Variants in ICAM1 observed in about 807,000 individuals in gnomAD.
ICAM1 encodes the protein ICAM-1.
A neutral mutation model predicts 42.3 loss-of-function variants in ICAM1; 28 were observed. That is an observed-to-expected ratio of 0.66 (90% confidence interval 0.49 to 0.91). The LOEUF (loss-of-function observed/expected upper bound fraction) is 0.91. Among genes scored for constraint, ICAM1 ranks in the 40% least tolerant of loss-of-function variants. The pLI is 0.00. For missense variants in ICAM1, 637 were observed against 688.6 expected, an observed-to-expected ratio of 0.93 and a Z score of 0.84; for synonymous variants, 304 against 305.9, an observed-to-expected ratio of 0.99 and a Z score of 0.07.
At chr19:10,275,150 G>GA in intron 2 of ICAM1, 122 bp downstream of exon 2, 1 of 981,016 alleles carries the variant, frequency 1.0e-6, no homozygotes, top group African/African-American at 1.6e-5. Context: ...GGGGCTCCTT[G>GA]CAGGGCAGGT....
intron 2 of ICAM1, among the ~76,000 whole-genome samples, chr19:10,277,243 C>T (rs2040024371): frequency 1.3e-5 from 2 of 151,756 alleles, no homozygotes; most frequent in South Asian, 2.1e-4. Context: ...TGCAATGGCA[C>T]GATCTCAGCT....
intron 1 of ICAM1, 110 bp from the exon 2 acceptor site, chr19:10,274,655 A>G: frequency 8.0e-7 from 1 of 1,246,946 alleles, no homozygotes; most frequent in Non-Finnish European, 1.1e-6. Flanking sequence ...TCGAAGGCAA[A>G]GTATTGTCTT....
chr19:10,276,358 A>G (rs1453802210), intron 2 of ICAM1, among the ~76,000 whole-genome samples: 7 of 150,298 alleles, frequency 4.7e-5, no homozygotes, highest in Non-Finnish European at 1.0e-4. Context: ...ATCCTGGCTA[A>G]CATGGTGAAA....
intron 2 of ICAM1, 48 bp from the exon 3 acceptor site, chr19:10,283,433 G>C: frequency 6.6e-7 from 1 of 1,504,838 alleles, no homozygotes; most frequent in Non-Finnish European, 8.9e-7. Flanking sequence ...TGTTAGGCAG[G>C]CAGCAAGGTC....
In ICAM1 at chr19:10,271,165, T is replaced by C; in HGVS notation, c.6T>C (p.Ala2=). 6.2e-7 allele frequency: 1 copy of C among 1,612,854 alleles called. No individual in the cohort carries two copies. The highest frequency in any genetic ancestry group is 8.5e-7 in the Non-Finnish European group (1 of 1,179,724). Residue 2 remains alanine, a synonymous_variant, in exon 1 of 7, where the codon GCT becomes GCC. Coordinates refer to ENST00000264832, the MANE Select transcript of ICAM1 (RefSeq NM_000201.3). Reference sequence around the variant, plus strand: ...GTTGCAACCTCAGCCTCGCTATGGCTCCCAGCAGCCCCCGGCCCGCGCTGC... The same window carrying C: ...GTTGCAACCTCAGCCTCGCTATGGCCCCCAGCAGCCCCCGGCCCGCGCTGC... The part of the protein sequence containing the change: M[A]PSSPRPALPA...
chr19:10,285,054 G>T, intron 6 of ICAM1, 26 bp downstream of exon 6: 1 of 1,613,262 alleles, frequency 6.2e-7, no homozygotes, highest in Non-Finnish European at 8.5e-7. Flanking sequence ...GGCAGAGCTG[G>T]GTGGGGGCAG....
At chr19:10,274,742 G>A (rs770491921) in intron 1 of ICAM1, 23 bp from the exon 2 acceptor site, 10 of 1,605,804 alleles carry the variant, frequency 6.2e-6, no homozygotes, top group Middle Eastern at 1.7e-4. Flanking sequence ...AATGCCTGTC[G>A]CCTCTTCCCT....
At chr19:10,282,578 G>T (rs1191462001) in intron 2 of ICAM1, among the ~76,000 whole-genome samples, 1 of 151,696 alleles carries the variant, frequency 6.6e-6, no homozygotes, top group Admixed American at 6.6e-5. Flanking sequence ...AGAGATGGGG[G>T]TCTCCCTATG....
In ICAM1 at chr19:10,286,602, C is replaced by T. The variant is rs2040110417; in HGVS notation, c.*1315C>T. ...ACTTCCTTTGTGTTAGTTAATAAAG[C>T]TTTCTCAACTGCCTCAGCCTTGTGT... is the stretch of plus-strand genomic sequence containing the variant. On this transcript the variant is annotated 3_prime_UTR_variant, in exon 7 of 7. Transcript: ENST00000264832. 1 of 197,094 alleles carries T rather than the reference C, an allele frequency of 5.1e-6. No individual in the cohort carries two copies. Among genetic ancestry groups the T allele is most frequent in the Admixed American group, 6.1e-5 (1 of 16,440 alleles). The allele number at this position is 197,094 out of a possible 1,614,324, so 12.2% of individuals were successfully genotyped here.
chr19:10,283,661 C>A lies in ICAM1; in HGVS notation c.512C>A (p.Thr171Asn). Residue 171 changes from threonine (T) to asparagine (N), a missense_variant, in exon 3 of 7, where the codon ACC (threonine) becomes AAC (asparagine). Thr to Asn is a moderately conservative substitution (Grantham distance 65). Transcript: ENST00000264832. ...PAVGEPAEVT[T>N]TVLVRRDHHG... is the part of the protein sequence containing the mutation. The stretch of plus-strand genomic sequence containing the variant: ...GTGGGGGAGCCCGCTGAGGTCACGA[C>A]CACGGTGCTGGTGAGGAGAGATCAC... The A allele has an allele frequency of 6.2e-7, 1 of 1,613,960 alleles. No individual in the cohort carries two copies.
At chr19:10,277,125 A>G (rs1381173364) in intron 2 of ICAM1, among the ~76,000 whole-genome samples, 3 of 152,126 alleles carry the variant, frequency 2.0e-5, no homozygotes, top group African/African-American at 4.8e-5. Context: ...TTAGCTGGCT[A>G]TGAGAAGAGA....
chr19:10,280,900 G>A (rs1409172068), intron 2 of ICAM1, among the ~76,000 whole-genome samples: 7 of 108,000 alleles, frequency 6.5e-5, no homozygotes, highest in Non-Finnish European at 8.7e-5. Flanking sequence ...TTGAGACAGA[G>A]TCTCACTCTG....
chr19:10,279,716 G>A (rs988014524), intron 2 of ICAM1, among the ~76,000 whole-genome samples: 4 of 151,866 alleles, frequency 2.6e-5, no homozygotes, highest in African/African-American at 9.7e-5. Flanking sequence ...ACGCCTGACC[G>A]CAAGAGATCC....
rs2145017431 is a variant in ICAM1 at position 10,285,748 on chromosome 19, G to A, written c.*461G>A. ...CACACTTCCTGACGGATGCCAGCTTGGGCACTGCTGTCTACTGACCCCAAC... is the reference window on the plus strand; with the variant it reads ...CACACTTCCTGACGGATGCCAGCTTAGGCACTGCTGTCTACTGACCCCAAC... On this transcript the variant is annotated 3_prime_UTR_variant, in exon 7 of 7. Transcript: ENST00000264832. 1 of 167,856 alleles carries A rather than the reference G, an allele frequency of 6.0e-6. No individual in the cohort carries two copies. The highest frequency in any genetic ancestry group is 1.7e-4 in the East Asian group (1 of 5,862). The allele number at this position is 167,856 out of a possible 1,614,324, so 10.4% of individuals were successfully genotyped here. A position where few individuals can be genotyped will look rare whatever the true frequency, so the allele number is the denominator to read the frequency against.
Position 10,284,255 on chromosome 19 carries a change from G to T in ICAM1, c.860G>T (p.Arg287Leu). Residue 287 changes from arginine to leucine, a missense_variant, in exon 4 of 7, where the codon CGG (arginine) becomes CTG (leucine). Coordinates refer to ENST00000264832, the MANE Select transcript of ICAM1 (RefSeq NM_000201.3). The surrounding 1 kb of genome is among the most constrained non-coding windows in gnomAD (Gnocchi z 5.4). ...SVTAEDEGTQ[R>L]LTCAVILGNQ... is the part of the protein sequence containing the mutation. ...ACCGCAGAGGACGAGGGCACCCAGCGGCTGACGTGTGCAGTAATACTGGGG... is the reference window on the plus strand; with the variant it reads ...ACCGCAGAGGACGAGGGCACCCAGCTGCTGACGTGTGCAGTAATACTGGGG... 6.2e-7 allele frequency: 1 copy of T among 1,613,972 alleles called. No homozygotes were observed. Among genetic ancestry groups the T allele is most frequent in the African/African-American group, 1.3e-5 (1 of 75,042 alleles).
At chr19:10,279,769 C>T (rs1434836756) in intron 2 of ICAM1, among the ~76,000 whole-genome samples, 2 of 151,948 alleles carry the variant, frequency 1.3e-5, no homozygotes, top group Non-Finnish European at 2.9e-5. Flanking sequence ...TAGGTGTGAG[C>T]CACTGAGCCT....
In ICAM1 at chr19:10,283,708, C is replaced by G. The variant is rs1007384990; in HGVS notation, c.559C>G (p.Arg187Gly). 43 of 1,613,858 alleles carry G rather than the reference C, an allele frequency of 2.7e-5. No homozygotes were observed. The highest frequency in any genetic ancestry group is 3.6e-5 in the Non-Finnish European group (43 of 1,179,902). ...TCACCATGGAGCCAATTTCTCGTGC[C>G]GCACTGAACTGGACCTGCGGCCCCA... Reference protein sequence around the residue: ...RDHHGANFSCRTELDLRPQGL... With the variant: ...RDHHGANFSCGTELDLRPQGL... Residue 187 changes from arginine to glycine, a missense_variant, in exon 3 of 7, where the codon CGC becomes GGC. Arg to Gly is a moderately radical substitution (Grantham distance 125). Transcript: ENST00000264832.
intron 3 of ICAM1, 30 bp downstream of exon 3, chr19:10,283,816 G>C: frequency 1.3e-6 from 2 of 1,560,600 alleles, no homozygotes; most frequent in Non-Finnish European, 1.7e-6. Context: ...GCAGGGAGAA[G>C]GTGGGGGTGG....
At position 10,286,310 on chromosome 19, in the gene ICAM1, G is replaced by A. The variant is rs182320132; in HGVS notation, c.*1023G>A. ...GGGTCCTGCAAGCAGTGGGGAAGGG[G>A]GCCAAGGTATTGGAGGACTCCCTCC... On this transcript the variant is annotated 3_prime_UTR_variant, in exon 7 of 7. Transcript: ENST00000264832. 253 of 152,730 alleles carry A rather than the reference G, an allele frequency of 1.7e-3. 3 individuals are homozygous for A. Among genetic ancestry groups the A allele is most frequent in the Non-Finnish European group, 1.6e-3 (106 of 68,240 alleles). The allele number at this position is 152,730 out of a possible 1,614,324, so 9.5% of individuals were successfully genotyped here. A position where few individuals can be genotyped will look rare whatever the true frequency, so the allele number is the denominator to read the frequency against.
Sources: gnomAD v4.1 joint callset for allele counts (sites outside exome capture counted in the v4.1 genomes callset) on GRCh38, gnomAD v4.1.1 for gene constraint, Gnocchi (gnomAD v3.1) non-coding constraint, MANE v1.5 for transcripts, NCBI Gene and HGNC (gene_info 2026-07-23, HGNC 2026-07-21) for gene names.